The following ACOX3 variants were observed in gnomAD, a reference collection of about 807,000 sequenced individuals.
The protein encoded by ACOX3 is peroxisomal acyl-coenzyme A oxidase 3.
In ACOX3, 73 loss-of-function variants were observed where a neutral mutation model predicts 81.5. The observed-to-expected ratio is 0.90, with a 90% confidence interval of 0.74 to 1.09. ACOX3 has a LOEUF of 1.09. ACOX3 is among the 50% of genes least tolerant of loss of function. The pLI is 0.00. For missense variants in ACOX3, 947 were observed against 928.0 expected, an observed-to-expected ratio of 1.02 and a Z score of -0.27; for synonymous variants, 387 against 375.1, an observed-to-expected ratio of 1.03 and a Z score of -0.37.
At position 8,414,751 on chromosome 4, in the gene ACOX3, A is replaced by C; in HGVS notation, c.453+103T>G. ...GAACACTAGGAAACAAGAAGAGCAT[A>C]AGCCCCCTGGGCACCCCCTTCTACA... On this transcript the variant is annotated intron_variant, in intron 4 of 17. Transcript: ENST00000356406. The surrounding 1 kb of genome is among the most constrained non-coding windows in gnomAD (Gnocchi z 6.1). 1.7e-6 allele frequency: 2 copies of C among 1,155,158 alleles called. No homozygotes were observed. Among genetic ancestry groups the C allele is most frequent in the Non-Finnish European group, 1.3e-6 (1 of 771,900 alleles). The allele number at this position is 1,155,158 out of a possible 1,614,324, so 71.6% of individuals were successfully genotyped here.
rs1250725807 is a variant in ACOX3, at chr4:8,382,416, G to A, written c.1538-809C>T. On this transcript the variant is annotated intron_variant, in intron 13 of 17. Coordinates refer to ENST00000356406, the MANE Select transcript of ACOX3 (RefSeq NM_003501.3). This position sits in a 1 kb window ranked among gnomAD's most constrained non-coding sequence, Gnocchi z 4.1. ...CTACTACCCCACTGATGAGGACACG[G>A]GCCCAGGGACCCAGGTACATGGCGA... is the stretch of plus-strand genomic sequence containing the variant. 1.3e-5 allele frequency among the ~76,000 whole-genome samples: 2 copies of A among 152,186 alleles called. No homozygotes were observed. Among genetic ancestry groups the A allele is most frequent in the Non-Finnish European group, 2.9e-5 (2 of 68,030 alleles).
chr4:8,438,391 T>C (rs778544067), intron 1 of ACOX3, among the ~76,000 whole-genome samples: 24 of 152,204 alleles, frequency 1.6e-4, no homozygotes, highest in Non-Finnish European at 2.8e-4. Context: ...GAGCAGCTAC[T>C]GAAAAAAATA....
rs1716059664 is a variant in ACOX3 at position 8,370,588 on chromosome 4, C to T, written c.1983+320G>A. 6.6e-6 allele frequency among the ~76,000 whole-genome samples: 1 copy of T among 151,682 alleles called. No homozygotes were observed. The highest frequency in any genetic ancestry group is 1.5e-5 in the Non-Finnish European group (1 of 67,880). The stretch of plus-strand genomic sequence containing the variant: ...GGGGTAAGACCTGGGACCGGGGAGG[C>T]CGGGGGGAGTGGGAGGAGGGCAGAG... On this transcript the variant is annotated intron_variant, in intron 17 of 17. Coordinates refer to ENST00000356406, the MANE Select transcript of ACOX3 (RefSeq NM_003501.3). This position sits in a 1 kb window ranked among gnomAD's most constrained non-coding sequence, Gnocchi z 6.3.
At chr4:8,361,437 A>C (rs1483423181), downstream of ACOX3, among the ~76,000 whole-genome samples, 120 of 149,002 alleles carry the variant, frequency 8.1e-4, 1 homozygote, top group Non-Finnish European at 1.1e-3. Flanking sequence ...AAAAAAAAAA[A>C]AAAAAAAAAA....
chr4:8,416,253 C>T lies in ACOX3; in HGVS notation c.144+125G>A. The T allele has an allele frequency of 6.6e-7, 1 of 1,511,714 alleles. No individual in the cohort carries two copies. The highest frequency in any genetic ancestry group is 9.1e-7 in the Non-Finnish European group (1 of 1,096,156). 93.6% of individuals were successfully genotyped at this position (1,511,714 alleles called of 1,614,324 possible). On this transcript the variant is annotated intron_variant, in intron 2 of 17. Transcript: ENST00000356406. The surrounding 1 kb of genome is among the most constrained non-coding windows in gnomAD (Gnocchi z 4.2). Reference sequence around the variant, plus strand: ...TCCTGGGGTGCAGAGAGGAGAGAGGCCGCGCTGCCTGGGATGAGCCTCGCC... The same window carrying T: ...TCCTGGGGTGCAGAGAGGAGAGAGGTCGCGCTGCCTGGGATGAGCCTCGCC...
At chr4:8,397,207 G>T in intron 8 of ACOX3, 88 bp from the exon 9 acceptor site, 1 of 1,319,730 alleles carries the variant, frequency 7.6e-7, no homozygotes, top group Non-Finnish European at 1.0e-6. Flanking sequence ...GCCCTCGTTT[G>T]TTCATCCAAA....
In ACOX3 at chr4:8,423,877, C is replaced by T. The variant is rs141924243; in HGVS notation, c.-14-7342G>A. ...CCATCTATTTGGCCAGGCATTAGCC[C>T]GAGACTTGAGCCAGTTCTCATACTT... is the stretch of plus-strand genomic sequence containing the variant. On this transcript the variant is annotated intron_variant, in intron 1 of 17. Transcript: ENST00000356406. This position sits in a 1 kb window ranked among gnomAD's most constrained non-coding sequence, Gnocchi z 4.2. 1.1e-3 allele frequency among the ~76,000 whole-genome samples: 164 copies of T among 152,294 alleles called. 2 individuals are homozygous for T. Among genetic ancestry groups the T allele is most frequent in the African/African-American group, 3.7e-3 (155 of 41,556 alleles).
downstream of ACOX3, among the ~76,000 whole-genome samples, chr4:8,365,757 G>T (rs1251730163): frequency 6.6e-6 from 1 of 152,194 alleles, no homozygotes; most frequent in Non-Finnish European, 1.5e-5. Flanking sequence ...GTGGTGGGGG[G>T]GTGGTGTCCT....
chr4:8,359,360 C>T, the ACOX3 span, among the ~76,000 whole-genome samples: 2 of 152,018 alleles, frequency 1.3e-5, no homozygotes, highest in African/African-American at 4.8e-5. This position sits in a 1 kb window ranked among gnomAD's most constrained non-coding sequence, Gnocchi z 6.0. Flanking sequence ...GGGTTAGAGG[C>T]CCCTCTTAAG....
At position 8,394,135 on chromosome 4, in the gene ACOX3, A is replaced by C. The variant is rs1476949830; in HGVS notation, c.1179+485T>G. ...GGAGGCAGCAGGAGGGACAATGGAA[A>C]ATCAGTTCATAATCATCTACAAAGA... On this transcript the variant is annotated intron_variant, in intron 10 of 17. Coordinates refer to ENST00000356406, the MANE Select transcript of ACOX3 (RefSeq NM_003501.3). The surrounding 1 kb of genome is among the most constrained non-coding windows in gnomAD (Gnocchi z 5.9). Among the ~76,000 whole-genome samples, 1 of 152,188 alleles carries C rather than the reference A, an allele frequency of 6.6e-6. No individual in the cohort carries two copies. Among genetic ancestry groups the C allele is most frequent in the Non-Finnish European group, 1.5e-5 (1 of 68,036 alleles).
chr4:8,431,777 T>C lies in ACOX3; in HGVS notation c.-15+8871A>G, dbSNP rs530536703. Among the ~76,000 whole-genome samples, 9 of 152,342 alleles carry C rather than the reference T, an allele frequency of 5.9e-5. No individual in the cohort carries two copies. The South Asian group carries it at 1.9e-3, about 32-fold the overall frequency. On this transcript the variant is annotated intron_variant, in intron 1 of 17. Transcript: ENST00000356406. This position sits in a 1 kb window ranked among gnomAD's most constrained non-coding sequence, Gnocchi z 5.3. ...CACCCCCTCTCTTGTTTATCTTGAC[T>C]TCTGTCCCACTTCTGCTCCCTTCGG... is the stretch of plus-strand genomic sequence containing the variant.
Position 8,415,765 on chromosome 4 carries a change from C to T in ACOX3, c.378+1G>A. ...CCCTCTCCCCTAGGCCGCATGCTCA[C>T]CAAGCTATGGAGGAGGTACTTGGCA... On this transcript the variant is annotated splice_donor_variant, in intron 3 of 17. Transcript: ENST00000356406. LOFTEE classifies it high-confidence loss of function. 3 of 1,613,754 alleles carry T rather than the reference C, an allele frequency of 1.9e-6. No individual in the cohort carries two copies. Among genetic ancestry groups the T allele is most frequent in the Non-Finnish European group, 2.5e-6 (3 of 1,179,780 alleles).
At chr4:8,435,122 A>G (rs1309453950) in intron 1 of ACOX3, among the ~76,000 whole-genome samples, 1 of 152,248 alleles carries the variant, frequency 6.6e-6, no homozygotes, top group Non-Finnish European at 1.5e-5. Flanking sequence ...TGCATGTTAC[A>G]GAACCTTAAG....
intron 10 of ACOX3, among the ~76,000 whole-genome samples, chr4:8,393,635 A>ACG (rs1411808534): frequency 4.2e-4 from 25 of 58,874 alleles, no homozygotes; most frequent in Non-Finnish European, 8.7e-4. Flanking sequence ...ACACACACAC[A>ACG]CGCACACACA....
At chr4:8,409,714 T>C (rs1246149405) in intron 6 of ACOX3, among the ~76,000 whole-genome samples, 1 of 145,808 alleles carries the variant, frequency 6.9e-6, no homozygotes, top group African/African-American at 2.6e-5. Context: ...GGTAGGGCTG[T>C]AGGATACACC....
At chr4:8,358,749 C>T in the ACOX3 span, among the ~76,000 whole-genome samples, 3 of 152,204 alleles carry the variant, frequency 2.0e-5, no homozygotes, top group East Asian at 5.8e-4. Context: ...ATGGCAACGT[C>T]AGGATGCTAC....
chr4:8,366,622 C>T lies in ACOX3; in HGVS notation c.*339G>A, dbSNP rs998818481. 5.4e-6 allele frequency: 1 copy of T among 184,512 alleles called. No individual in the cohort carries two copies. Among genetic ancestry groups the T allele is most frequent in the Non-Finnish European group, 1.1e-5 (1 of 87,708 alleles). 11.4% of individuals were successfully genotyped at this position (184,512 alleles called of 1,614,324 possible). On this transcript the variant is annotated 3_prime_UTR_variant, in exon 18 of 18. Coordinates refer to ENST00000356406, the MANE Select transcript of ACOX3 (RefSeq NM_003501.3). ...TCACAGGTTGTCTGACCAGAAGATC[C>T]CTGACAATGGGCTGTTTACTTTAGA... is the stretch of plus-strand genomic sequence containing the variant.
chr4:8,420,344 G>C (rs28527486), intron 1 of ACOX3, among the ~76,000 whole-genome samples: 2,958 of 152,230 alleles, frequency 0.019, 106 homozygotes, highest in African/African-American at 0.067. Flanking sequence ...GTGCACCTTG[G>C]GGGTGATAAT....
At chr4:8,439,061 C>T (rs1724427354) in intron 1 of ACOX3, 1 of 152,212 alleles carries the variant, frequency 6.6e-6, no homozygotes, top group Non-Finnish European at 1.5e-5. Flanking sequence ...AGTTAAAAAT[C>T]TTAAGACTAA....
Sources: gnomAD v4.1 joint callset for allele counts (sites outside exome capture counted in the v4.1 genomes callset) on GRCh38, gnomAD v4.1.1 for gene constraint, Gnocchi (gnomAD v3.1) non-coding constraint, MANE v1.5 for transcripts, NCBI Gene and HGNC (gene_info 2026-07-23, HGNC 2026-07-21) for gene names.